The following PTPRH variants were observed in gnomAD, a reference collection of about 807,000 sequenced individuals.
PTPRH encodes receptor-type tyrosine-protein phosphatase H.
A neutral mutation model predicts 130.2 loss-of-function variants in PTPRH; 113 were observed. That is an observed-to-expected ratio of 0.87 (90% CI 0.75 to 1.01). The LOEUF (loss-of-function observed/expected upper bound fraction) is 1.01, where lower values mean the gene tolerates loss of function less well. Among genes scored for constraint, PTPRH ranks in the 50% least tolerant of loss-of-function variants. PTPRH has a pLI of 0.00. For synonymous variants in PTPRH, 556 were observed against 577.9 expected, an observed-to-expected ratio of 0.96 and a Z score of 0.54; for missense variants, 1,430 against 1,425.0, an observed-to-expected ratio of 1.00 and a Z score of -0.06.
In PTPRH at chr19:55,204,385, G is replaced by A. The variant is rs187500940; in HGVS notation, c.620-337C>T. ...CTCCCAAAGTGCTGGGACTACAGGC[G>A]TGAGGCAACATGCCTGGCCAAGTGG... On this transcript the variant is annotated intron_variant, in intron 4 of 19. Coordinates refer to ENST00000376350, the MANE Select transcript of PTPRH (RefSeq NM_002842.5). 9.7e-4 allele frequency among the ~76,000 whole-genome samples: 147 copies of A among 152,290 alleles called. 1 individual carries two copies. In the East Asian group the frequency reaches 0.013, roughly 13 times the overall value.
intron 10 of PTPRH, among the ~76,000 whole-genome samples, chr19:55,196,160 G>C (rs183068453): frequency 6.6e-6 from 1 of 152,140 alleles, no homozygotes; most frequent in African/African-American, 2.4e-5. Context: ...GCCTGAGGCA[G>C]GCAGATCACC....
In PTPRH at chr19:55,182,105, G is replaced by A. The variant is rs779888290; in HGVS notation, c.3109C>T (p.Leu1037Phe). 3.7e-6 allele frequency: 6 copies of A among 1,614,126 alleles called. No homozygotes were observed. The Admixed American group carries it at 1.0e-4, about 27-fold the overall frequency. Residue 1037 changes from leucine (L) to phenylalanine (F), a missense_variant, in exon 19 of 20, where the codon CTC (leucine) becomes TTC (phenylalanine). Leu to Phe is a conservative substitution (Grantham distance 22). Transcript: ENST00000376350. ...TGTLIALDVL[L>F]RQLQSEGLLG... Reference sequence around the variant, plus strand: ...AGACCCTCGGACTGCAGCTGCCGGAGCAGGACGTCCAGGGCAATGAGGGTT... The same window carrying A: ...AGACCCTCGGACTGCAGCTGCCGGAACAGGACGTCCAGGGCAATGAGGGTT...
At position 55,209,210 on chromosome 19, in the gene PTPRH, G is replaced by A. The variant is rs1326717277; in HGVS notation, c.51+173C>T. ...CCGCAGCAGACACGACAGTATCTAA[G>A]AGCCCAGGTGTAAGACTCTCCTACA... On this transcript the variant is annotated intron_variant, in intron 1 of 19. Transcript: ENST00000376350. This position sits in a 1 kb window ranked among gnomAD's most constrained non-coding sequence, Gnocchi z 4.1. Among the ~76,000 whole-genome samples the A allele has an allele frequency of 1.3e-5, 2 of 152,180 alleles. No homozygotes were observed. The highest frequency in any genetic ancestry group is 1.5e-5 in the Non-Finnish European group (1 of 67,976).
chr19:55,209,380 T>C lies in PTPRH; in HGVS notation c.51+3A>G. 2 of 1,561,732 alleles carry C rather than the reference T, an allele frequency of 1.3e-6. No homozygotes were observed. The highest frequency in any genetic ancestry group is 1.7e-6 in the Non-Finnish European group (2 of 1,152,520). On this transcript the variant is annotated splice_donor_region_variant and intron_variant, in intron 1 of 19. Coordinates refer to ENST00000376350, the MANE Select transcript of PTPRH (RefSeq NM_002842.5). The surrounding 1 kb of genome is among the most constrained non-coding windows in gnomAD (Gnocchi z 4.1). ...GAGCCCGCTCTGGGCGGGGAGCACT[T>C]ACCAGCAGCACCAGGTTCCCCCAGA...
chr19:55,207,221 C>A (rs747775233), intron 1 of PTPRH, 22 bp from the exon 2 acceptor site: 1 of 1,611,412 alleles, frequency 6.2e-7, no homozygotes, highest in Non-Finnish European at 8.5e-7. Flanking sequence ...CCAGAGAAAA[C>A]GGAGTCAGCC....
At chr19:55,191,447 A>C (rs928896222) in intron 12 of PTPRH, 54 bp downstream of exon 12, 1 of 1,597,708 alleles carries the variant, frequency 6.3e-7, no homozygotes, top group East Asian at 2.2e-5. Context: ...GCCAGCAAAC[A>C]CCCCTTGATT....
chr19:55,202,376 T>C (rs1299143071), intron 5 of PTPRH, 54 bp from the exon 6 acceptor site: 160 of 1,599,332 alleles, frequency 1.0e-4, no homozygotes, highest in Non-Finnish European at 1.3e-4. Context: ...CCTCAAACTT[T>C]CCAGCCCTTC....
chr19:55,186,338 ACTC>A lies in PTPRH; in HGVS notation c.2662_2664del (p.Glu888del). 18 of 1,613,422 alleles carry A rather than the reference ACTC, an allele frequency of 1.1e-5. No individual in the cohort carries two copies. The highest frequency in any genetic ancestry group is 1.5e-5 in the Non-Finnish European group (18 of 1,179,760). ...GGCAGGGGACCCTGGGTTGCAATGA[ACTC>A]CTGGGGGCTCCAGAGACCCTGGTTG... On this transcript the variant is annotated inframe_deletion, in exon 16 of 20. Transcript: ENST00000376350.
At chr19:55,205,677 G>C in intron 3 of PTPRH, 85 bp from the exon 4 acceptor site, 1 of 1,567,432 alleles carries the variant, frequency 6.4e-7, no homozygotes, top group South Asian at 1.2e-5. Context: ...GCATCCAGCA[G>C]GTAGAGGCAG....
chr19:55,185,636 C>G lies in PTPRH; in HGVS notation c.2928G>C (p.Val976=). The G allele has an allele frequency of 6.2e-7, 1 of 1,614,176 alleles. No homozygotes were observed. Among genetic ancestry groups the G allele is most frequent in the Non-Finnish European group, 8.5e-7 (1 of 1,180,016 alleles). ...GCCAGGCCTGGTAGTGGAATTGGCGCACAGACAGTGTCTTCTGCTCCTCCA... is the reference window on the plus strand; with the variant it reads ...GCCAGGCCTGGTAGTGGAATTGGCGGACAGACAGTGTCTTCTGCTCCTCCA... ...LQVEEQKTLS[V]RQFHYQAWPD... The change falls in exon 18 of 20, where the codon GTG becomes GTC. Residue 976 remains valine, a synonymous_variant. Coordinates refer to ENST00000376350, the MANE Select transcript of PTPRH (RefSeq NM_002842.5).
intron 3 of PTPRH, among the ~76,000 whole-genome samples, chr19:55,206,043 G>C (rs1012803502): frequency 4.6e-5 from 7 of 152,090 alleles, no homozygotes; most frequent in African/African-American, 1.4e-4. Flanking sequence ...GACCAGCCTG[G>C]CCAACATGGC....
intron 7 of PTPRH, 48 bp downstream of exon 7, chr19:55,200,188 G>A (rs748236148): frequency 6.2e-7 from 1 of 1,603,162 alleles, no homozygotes; most frequent in African/African-American, 1.3e-5. Flanking sequence ...GCTCCTGCTG[G>A]TTCTTAACCT....
intron 12 of PTPRH, among the ~76,000 whole-genome samples, chr19:55,191,145 TTG>T (rs2086523319): frequency 1.3e-5 from 2 of 152,212 alleles, no homozygotes; most frequent in South Asian, 4.1e-4. Flanking sequence ...CCCAGCAATC[TTG>T]TTTATTGATA....
At chr19:55,184,114 G>A (rs1344242182) in intron 18 of PTPRH, among the ~76,000 whole-genome samples, 2 of 151,470 alleles carry the variant, frequency 1.3e-5, no homozygotes, top group African/African-American at 4.9e-5. Context: ...GAGAAACCCC[G>A]TGTCTACTAA....
rs780551417 is a variant in PTPRH at position 55,202,060 on chromosome 19, G to C, written c.1149C>G (p.Thr383=). 2 of 1,614,094 alleles carry C rather than the reference G, an allele frequency of 1.2e-6. No homozygotes were observed. The highest frequency in any genetic ancestry group is 3.3e-5 in the Admixed American group (2 of 60,014). The change falls in exon 6 of 20, where the codon ACC becomes ACG. Residue 383 remains threonine (T), a synonymous_variant. Coordinates refer to ENST00000376350, the MANE Select transcript of PTPRH (RefSeq NM_002842.5). ...INSSRETRNA[T]TAPNPVRNLH... is the part of the protein sequence containing the mutation. Reference sequence around the variant, plus strand: ...CAAATGGCGACTGCCTCTCACCTGTGGTGGCATTTCGAGTCTCCCGGGAGC... The same window carrying C: ...CAAATGGCGACTGCCTCTCACCTGTCGTGGCATTTCGAGTCTCCCGGGAGC...
intron 6 of PTPRH, 142 bp downstream of exon 6, chr19:55,201,914 G>A: frequency 7.6e-7 from 1 of 1,323,426 alleles, no homozygotes; most frequent in Non-Finnish European, 1.0e-6. Context: ...CATCTCCTGA[G>A]CTGAGACTGC....
intron 8 of PTPRH, among the ~76,000 whole-genome samples, chr19:55,198,312 C>G (rs1335164566): frequency 1.4e-4 from 21 of 152,186 alleles, no homozygotes; most frequent in Admixed American, 1.4e-3. Context: ...GGCCCTCTCG[C>G]TTCATCTAAT....
At chr19:55,187,281 C>G (rs1370547242) in intron 14 of PTPRH, among the ~76,000 whole-genome samples, 1 of 116,574 alleles carries the variant, frequency 8.6e-6, no homozygotes, top group Non-Finnish European at 1.7e-5. Context: ...GGAGGCGGAG[C>G]TTGCAGTGAG....
At position 55,197,204 on chromosome 19, in the gene PTPRH, G is replaced by C; in HGVS notation, c.1903C>G (p.Leu635Val). 2.5e-6 allele frequency: 4 copies of C among 1,614,216 alleles called. No individual in the cohort carries two copies. The highest frequency in any genetic ancestry group is 3.4e-6 in the Non-Finnish European group (4 of 1,180,036). The change falls in exon 9 of 20, where the codon CTG becomes GTG. Residue 635 changes from leucine to valine, a missense_variant. By Grantham distance (32) the Leu-to-Val change is conservative. Coordinates refer to ENST00000376350, the MANE Select transcript of PTPRH (RefSeq NM_002842.5). ...TNETWYKVEA[L>V]EPGTLYNFTV... ...AAATTGTACAACGTCCCGGGTTCCA[G>C]GGCCTCCACTTTGTACCACGTCTCA...
Sources: allele counts gnomAD v4.1 joint callset (sites outside exome capture counted in the v4.1 genomes callset), GRCh38; gene constraint gnomAD v4.1.1; non-coding constraint Gnocchi (gnomAD v3.1); transcripts MANE v1.5; gene names NCBI Gene and HGNC (gene_info 2026-07-23, HGNC 2026-07-21).